Variants in KLB observed in about 807,000 individuals in gnomAD.
The protein encoded by KLB is beta-klotho.
KLB carries 44 observed loss-of-function variants against 88.4 expected under a neutral mutation model. The ratio of observed to expected loss-of-function variants is 0.50; its 90% CI spans 0.39 to 0.64. The LOEUF is 0.64. Ranked by LOEUF, KLB falls within the 30% of genes least tolerant of loss-of-function variation. The probability of loss-of-function intolerance (pLI) is 0.00; values close to 1 mark genes in which losing one functional copy is unlikely to be tolerated. For synonymous variants in KLB, 548 were observed against 513.4 expected, an observed-to-expected ratio of 1.07 and a Z score of -0.91; for missense variants, 1,137 against 1,304.8, an observed-to-expected ratio of 0.87 and a Z score of 1.98.
In KLB at chr4:39,448,759, T is replaced by C. The variant is rs528929988; in HGVS notation, c.*73T>C. 9.4e-5 allele frequency: 125 copies of C among 1,325,268 alleles called. No individual in the cohort carries two copies. The African/African-American group carries it at 1.6e-3, about 17-fold the overall frequency. The allele number at this position is 1,325,268 out of a possible 1,614,324, so 82.1% of individuals were successfully genotyped here. ...ATATGCTGGTAACTTACAGGAGATA[T>C]ACCTGTATTATAGAAAGACAATCTG... On this transcript the variant is annotated 3_prime_UTR_variant, in exon 5 of 5. Transcript: ENST00000257408.
At chr4:39,419,828 CA>C (rs1199229022) in intron 1 of KLB, among the ~76,000 whole-genome samples, 1 of 147,092 alleles carries the variant, frequency 6.8e-6, no homozygotes, top group Non-Finnish European at 1.5e-5. Context: ...CCTATAGTCC[CA>C]GCTGCTTAGG....
rs1222283453 is a variant in KLB, at chr4:39,448,557, T to C, written c.3006T>C (p.Cys1002=). ...AGAAACCACTGATATTCCTGGGTTGTTGCTTCTTCTCCACCCTGGTTCTAC... is the reference window on the plus strand; with the variant it reads ...AGAAACCACTGATATTCCTGGGTTGCTGCTTCTTCTCCACCCTGGTTCTAC... ...VQKKPLIFLG[C]CFFSTLVLLL... is the part of the protein sequence containing the mutation. The change falls in exon 5 of 5, where the codon TGT becomes TGC. Residue 1002 remains cysteine, a synonymous_variant. Transcript: ENST00000257408. 1.2e-6 allele frequency: 2 copies of C among 1,614,114 alleles called. No homozygotes were observed. The highest frequency in any genetic ancestry group is 1.7e-6 in the Non-Finnish European group (2 of 1,180,044).
intron 1 of KLB, among the ~76,000 whole-genome samples, chr4:39,420,932 C>T (rs1039673676): frequency 1.3e-5 from 2 of 152,158 alleles, no homozygotes; most frequent in African/African-American, 2.4e-5. Context: ...CCACACACCA[C>T]GGGAAGTAAC....
intron 1 of KLB, among the ~76,000 whole-genome samples, chr4:39,431,379 G>A (rs1743357141): frequency 6.6e-6 from 1 of 152,138 alleles, no homozygotes; most frequent in Non-Finnish European, 1.5e-5. Flanking sequence ...GGCCTTCCGA[G>A]TAGCTGGGAT....
Position 39,448,792 on chromosome 4 carries a change from G to A in KLB, c.*106G>A. The A allele has an allele frequency of 9.1e-7, 1 of 1,093,710 alleles. No individual in the cohort carries two copies. The highest frequency in any genetic ancestry group is 1.3e-6 in the Non-Finnish European group (1 of 765,044). 67.8% of individuals were successfully genotyped at this position (1,093,710 alleles called of 1,614,324 possible). On this transcript the variant is annotated 3_prime_UTR_variant, in exon 5 of 5. Transcript: ENST00000257408. ...TTATAGAAAGACAATCTGAGATACA[G>A]CTGTAACCAAGGTGATGACAATTGT...
At chr4:39,420,704 A>G (rs13125440) in intron 1 of KLB, among the ~76,000 whole-genome samples, 51,470 of 151,880 alleles carry the variant, frequency 0.34, 10,069 homozygotes, top group South Asian at 0.57. Flanking sequence ...TTGTAGAAAC[A>G]AGGTCTGACT....
chr4:39,431,616 T>C (rs1743364413), intron 1 of KLB, among the ~76,000 whole-genome samples: 1 of 152,238 alleles, frequency 6.6e-6, no homozygotes, highest in South Asian at 2.1e-4. Flanking sequence ...AATCTTCCAA[T>C]GAAAATTGAG....
At chr4:39,421,427 G>C (rs2109825922) in intron 1 of KLB, among the ~76,000 whole-genome samples, 4 of 152,250 alleles carry the variant, frequency 2.6e-5, no homozygotes, top group Admixed American at 2.6e-4. Context: ...GGCACCCCAG[G>C]TGGTGAAGTG....
chr4:39,413,918 T>C (rs904647574), intron 1 of KLB, among the ~76,000 whole-genome samples: 1 of 152,190 alleles, frequency 6.6e-6, no homozygotes. Context: ...CTGGTCACTA[T>C]TGACATTTGG....
intron 1 of KLB, among the ~76,000 whole-genome samples, chr4:39,413,739 TAAATA>T (rs988245096): frequency 1.3e-5 from 2 of 149,130 alleles, no homozygotes; most frequent in Admixed American, 6.7e-5. Flanking sequence ...AAAAAAAAAA[TAAATA>T]AAATAAAATA....
At chr4:39,442,902 A>G (rs928922237) in intron 3 of KLB, among the ~76,000 whole-genome samples, 2 of 152,180 alleles carry the variant, frequency 1.3e-5, no homozygotes, top group African/African-American at 4.8e-5. Flanking sequence ...AATTTTTTTA[A>G]TGTTCCAAAA....
rs368300399 is a variant in KLB at position 39,450,861 on chromosome 4, G to GGAA, written c.*2175_*2176insGAA. 4.3e-5 allele frequency: 6 copies of GGAA among 139,656 alleles called. No homozygotes were observed. The highest frequency in any genetic ancestry group is 4.1e-4 in the East Asian group (2 of 4,880). The allele number at this position is 139,656 out of a possible 1,614,324, so 8.7% of individuals were successfully genotyped here. ...CCTCTCTTTAACATCAAGGGCTTGG[G>GGAA]AAAAAAAAAAAAAAGGTTAGCCACA... On this transcript the variant is annotated 3_prime_UTR_variant, in exon 5 of 5. Transcript: ENST00000257408.
rs373417206 is a variant in KLB at position 39,407,429 on chromosome 4, C to T, written c.480C>T (p.Pro160=). The change falls in exon 1 of 5, where the codon CCC becomes CCT. Residue 160 remains proline (P), a synonymous_variant. Coordinates refer to ENST00000257408, the MANE Select transcript of KLB (RefSeq NM_175737.4). The part of the protein sequence containing the change: ...QFSISWPRLF[P]DGIVTVANAK... ...CAATTTCCTGGCCAAGGCTTTTCCCCGATGGAATAGTAACAGTTGCCAACG... is the reference window on the plus strand; with the variant it reads ...CAATTTCCTGGCCAAGGCTTTTCCCTGATGGAATAGTAACAGTTGCCAACG... The T allele has an allele frequency of 2.7e-5, 44 of 1,613,842 alleles. No individual in the cohort carries two copies. Among genetic ancestry groups the T allele is most frequent in the South Asian group, 2.2e-4 (20 of 91,076 alleles).
chr4:39,421,530 A>C (rs903936637), intron 1 of KLB, among the ~76,000 whole-genome samples: 2 of 152,174 alleles, frequency 1.3e-5, no homozygotes, highest in Non-Finnish European at 2.9e-5. Flanking sequence ...TGGGCGGATC[A>C]CTTGAGGTCG....
At chr4:39,416,997 AT>A (rs1488902327) in intron 1 of KLB, among the ~76,000 whole-genome samples, 1 of 152,138 alleles carries the variant, frequency 6.6e-6, no homozygotes, top group African/African-American at 2.4e-5. Flanking sequence ...TAAGTGTAAT[AT>A]TTTGAAATGG....
intron 1 of KLB, among the ~76,000 whole-genome samples, chr4:39,421,480 T>C (rs1411769438): frequency 6.6e-6 from 1 of 152,180 alleles, no homozygotes. Context: ...CCAGGCACAG[T>C]GGCTCATGTC....
At position 39,434,738 on chromosome 4, in the gene KLB, T is replaced by A; in HGVS notation, c.1336+18T>A. ...GCTTCAAGGTTGGTTGTACACTTGCTTAATTTTTTAAAAATTCTAAAAACT... is the reference window on the plus strand; with the variant it reads ...GCTTCAAGGTTGGTTGTACACTTGCATAATTTTTTAAAAATTCTAAAAACT... On this transcript the variant is annotated intron_variant, in intron 2 of 4. Coordinates refer to ENST00000257408, the MANE Select transcript of KLB (RefSeq NM_175737.4). The A allele has an allele frequency of 6.4e-7, 1 of 1,557,836 alleles. No individual in the cohort carries two copies. Among genetic ancestry groups the A allele is most frequent in the Non-Finnish European group, 8.7e-7 (1 of 1,153,542 alleles).
intron 1 of KLB, among the ~76,000 whole-genome samples, chr4:39,418,643 TAC>T (rs1743013388): frequency 6.6e-6 from 1 of 151,468 alleles, no homozygotes; most frequent in Non-Finnish European, 1.5e-5. Context: ...TCTAACAAAA[TAC>T]AGTATAAGAA....
chr4:39,407,698 A>G lies in KLB; in HGVS notation c.749A>G (p.Tyr250Cys), dbSNP rs772240480. Residue 250 changes from tyrosine (Y) to cysteine (C), a missense_variant, in exon 1 of 5, where the codon TAT becomes TGT. Tyr to Cys is a radical substitution (Grantham distance 194). This residue lies in a region of KLB where 597 missense variants were observed against 765.2 expected (regional missense o/e 0.78). Transcript: ENST00000257408. ...HNPYLVAWHG[Y>C]GTGMHAPGEK... Reference sequence around the variant, plus strand: ...CCATATCTAGTGGCTTGGCATGGGTATGGGACAGGTATGCATGCCCCTGGA... The same window carrying G: ...CCATATCTAGTGGCTTGGCATGGGTGTGGGACAGGTATGCATGCCCCTGGA... The G allele has an allele frequency of 6.2e-7, 1 of 1,614,090 alleles. No homozygotes were observed. The highest frequency in any genetic ancestry group is 1.1e-5 in the South Asian group (1 of 91,088).
Sources: allele counts gnomAD v4.1 joint callset (sites outside exome capture counted in the v4.1 genomes callset), GRCh38; gene constraint gnomAD v4.1.1; regional missense constraint gnomAD v4.1.1; transcripts MANE v1.5; gene names NCBI Gene and HGNC (gene_info 2026-07-23, HGNC 2026-07-21).